The following CDH6 variants were observed in gnomAD, a reference collection of about 807,000 sequenced individuals.
CDH6 encodes the protein cadherin-6.
Under a neutral mutation model 78.0 loss-of-function variants are expected in CDH6, and 31 were observed. The observed-to-expected ratio is 0.40, with a 90% CI of 0.30 to 0.54. The LOEUF is 0.54. CDH6 is among the 20% of genes least tolerant of loss of function. The pLI is 0.56. For missense variants in CDH6, 724 were observed against 975.9 expected (o/e 0.74, Z 3.44); for synonymous variants, 376 against 368.8 (o/e 1.02, Z -0.23).
chr5:31,213,340 A>G (rs1012210473), intron 1 of CDH6, among the ~76,000 whole-genome samples: 1 of 152,196 alleles, frequency 6.6e-6, no homozygotes, highest in Non-Finnish European at 1.5e-5. Context: ...AATGCTTAAA[A>G]TCAAAATTGT....
Position 31,323,227 on chromosome 5 carries a change from T to C in CDH6, c.2292T>C (p.Tyr764=). The C allele has an allele frequency of 6.2e-7, 1 of 1,614,196 alleles. No homozygotes were observed. Among genetic ancestry groups the C allele is most frequent in the East Asian group, 2.2e-5 (1 of 44,890 alleles). ...TGACCACGGATGCAGATCAAGACTATGATTACCTTAGTGACTGGGGACCTC... is the reference window on the plus strand; with the variant it reads ...TGACCACGGATGCAGATCAAGACTACGATTACCTTAGTGACTGGGGACCTC... ...ESVTTDADQD[Y]DYLSDWGPRF... is the part of the protein sequence containing the mutation. Residue 764 remains tyrosine (Y), a synonymous_variant, in exon 12 of 12, where the codon TAT becomes TAC. Coordinates refer to ENST00000265071, the MANE Select transcript of CDH6 (RefSeq NM_004932.4).
chr5:31,287,302 C>T (rs1743037914), intron 2 of CDH6, among the ~76,000 whole-genome samples: 1 of 152,124 alleles, frequency 6.6e-6, no homozygotes, highest in South Asian at 2.1e-4. Flanking sequence ...TATATTAGGA[C>T]TGAATGGAGA....
chr5:31,202,901 CTA>C (rs1449605134), intron 1 of CDH6, among the ~76,000 whole-genome samples: 11 of 151,684 alleles, frequency 7.3e-5, no homozygotes, highest in Non-Finnish European at 1.6e-4. Flanking sequence ...ACAAAATATT[CTA>C]AGCTCCCCTT....
In CDH6 at chr5:31,328,340, T is replaced by C. The variant is rs1054665215; in HGVS notation, c.*5032T>C. ...TGTGAGGCTACGTTATTTATGTAAA[T>C]ATGTCTGGAGGCACCTTCTCTAAGC... On this transcript the variant is annotated 3_prime_UTR_variant, in exon 12 of 12. Coordinates refer to ENST00000265071, the MANE Select transcript of CDH6 (RefSeq NM_004932.4). 3.5e-5 allele frequency: 7 copies of C among 200,632 alleles called. No homozygotes were observed. Among genetic ancestry groups the C allele is most frequent in the Admixed American group, 1.8e-4 (3 of 16,606 alleles). 12.4% of individuals were successfully genotyped at this position (200,632 alleles called of 1,614,324 possible).
intron 2 of CDH6, among the ~76,000 whole-genome samples, chr5:31,277,851 C>T (rs1742742104): frequency 6.6e-6 from 1 of 152,124 alleles, no homozygotes; most frequent in Admixed American, 6.5e-5. Flanking sequence ...CTAAAAACTA[C>T]CTTCCAATTT....
intron 7 of CDH6, among the ~76,000 whole-genome samples, chr5:31,307,466 T>A (rs1738020557): frequency 6.6e-6 from 1 of 152,240 alleles, no homozygotes; most frequent in Non-Finnish European, 1.5e-5. Flanking sequence ...CCTACTGGAA[T>A]ATCTACAAGA....
chr5:31,216,947 G>A (rs531737691), intron 1 of CDH6, among the ~76,000 whole-genome samples: 73 of 152,156 alleles, frequency 4.8e-4, no homozygotes, highest in African/African-American at 1.7e-3. Flanking sequence ...GTTGAGAGAC[G>A]GTAGAGAGGC....
At chr5:31,268,238 A>G (rs1043541628) in intron 2 of CDH6, among the ~76,000 whole-genome samples, 1 of 152,206 alleles carries the variant, frequency 6.6e-6, no homozygotes, top group African/African-American at 2.4e-5. Context: ...TGCTGCTGCT[A>G]CTGTTTAGTC....
At chr5:31,233,307 A>T (rs1561034550) in intron 1 of CDH6, among the ~76,000 whole-genome samples, 1 of 151,112 alleles carries the variant, frequency 6.6e-6, no homozygotes, top group Non-Finnish European at 1.5e-5. Flanking sequence ...AACTTTACTT[A>T]TCCAACCTGG....
In CDH6 at chr5:31,305,244, G is replaced by T. The variant is rs773989887; in HGVS notation, c.1070G>T (p.Arg357Leu). 1.2e-6 allele frequency: 2 copies of T among 1,614,000 alleles called. No individual in the cohort carries two copies. The highest frequency in any genetic ancestry group is 1.3e-5 in the African/African-American group (1 of 74,996). ...VEASNPYVEP[R>L]FLYLGPFKDS... The stretch of plus-strand genomic sequence containing the variant: ...GCCTCCAATCCTTATGTTGAGCCAC[G>T]ATTTCTCTACTTGGGGCCTTTCAAA... Residue 357 changes from arginine to leucine, a missense_variant, in exon 7 of 12, where the codon CGA (arginine) becomes CTA (leucine). Physicochemically the swap from Arg to Leu is moderately radical, Grantham distance 102 (BLOSUM62 -2). Around this residue, in one of 3 missense-constraint regions of CDH6, gnomAD observed 446 missense variants for 684.5 expected, o/e 0.65. Coordinates refer to ENST00000265071, the MANE Select transcript of CDH6 (RefSeq NM_004932.4).
At chr5:31,195,595 T>C in intron 1 of CDH6, among the ~76,000 whole-genome samples, 1 of 152,122 alleles carries the variant, frequency 6.6e-6, no homozygotes, top group East Asian at 1.9e-4. Context: ...GTAAAACCAG[T>C]TGTGTGAAGA....
intron 1 of CDH6, among the ~76,000 whole-genome samples, chr5:31,205,468 G>A (rs977080133): frequency 6.6e-6 from 1 of 152,162 alleles, no homozygotes; most frequent in African/African-American, 2.4e-5. Context: ...CAACATTGTT[G>A]CCTGAAGCCT....
intron 1 of CDH6, among the ~76,000 whole-genome samples, chr5:31,204,036 T>C (rs1740444551): frequency 6.6e-6 from 1 of 152,218 alleles, no homozygotes; most frequent in African/African-American, 2.4e-5. Flanking sequence ...AAAAAGTGCC[T>C]GCTCAGCCAT....
chr5:31,260,720 C>T (rs1742190520), intron 1 of CDH6, among the ~76,000 whole-genome samples: 1 of 152,160 alleles, frequency 6.6e-6, no homozygotes, highest in South Asian at 2.1e-4. Flanking sequence ...GTGGCTCTTG[C>T]CATAATGATT....
intron 1 of CDH6, among the ~76,000 whole-genome samples, chr5:31,262,329 C>A (rs1289812932): frequency 6.6e-6 from 1 of 152,210 alleles, no homozygotes; most frequent in Non-Finnish European, 1.5e-5. Flanking sequence ...ATCTCAATTA[C>A]CTTCTAGTCA....
chr5:31,292,905 C>G (rs1737448664), intron 2 of CDH6, among the ~76,000 whole-genome samples: 1 of 145,120 alleles, frequency 6.9e-6, no homozygotes, highest in Non-Finnish European at 1.5e-5. Flanking sequence ...GTCCTATAGA[C>G]CTATAGTTAG....
intron 7 of CDH6, among the ~76,000 whole-genome samples, chr5:31,308,014 T>C (rs546001251): frequency 2.7e-4 from 41 of 152,284 alleles, no homozygotes; most frequent in Non-Finnish European, 4.4e-4. Flanking sequence ...CTTATAGATA[T>C]ATTGGTATAT....
At position 31,326,535 on chromosome 5, in the gene CDH6, T is replaced by C. The variant is rs756264712; in HGVS notation, c.*3227T>C. ...TTCAGAACTTTCCTGCCTTTACAGTTTGTGTCCATAAAGGGATGTTCAGCA... is the reference window on the plus strand; with the variant it reads ...TTCAGAACTTTCCTGCCTTTACAGTCTGTGTCCATAAAGGGATGTTCAGCA... On this transcript the variant is annotated 3_prime_UTR_variant, in exon 12 of 12. Coordinates refer to ENST00000265071, the MANE Select transcript of CDH6 (RefSeq NM_004932.4). The C allele has an allele frequency of 1.0e-5, 2 of 193,580 alleles. No individual in the cohort carries two copies. Among genetic ancestry groups the C allele is most frequent in the Non-Finnish European group, 2.2e-5 (2 of 92,976 alleles). The allele number at this position is 193,580 out of a possible 1,614,324, so 12.0% of individuals were successfully genotyped here. A position where few individuals can be genotyped will look rare whatever the true frequency, so the allele number is the denominator to read the frequency against.
At chr5:31,276,228 C>CTT (rs140972823) in intron 2 of CDH6, among the ~76,000 whole-genome samples, 27 of 152,210 alleles carry the variant, frequency 1.8e-4, no homozygotes, top group African/African-American at 6.5e-4. Flanking sequence ...AAAATTAGAG[C>CTT]TTTTTTATCA....
Sources: gnomAD v4.1 joint callset for allele counts (sites outside exome capture counted in the v4.1 genomes callset) on GRCh38, gnomAD v4.1.1 for gene constraint, gnomAD v4.1.1 regional missense constraint, MANE v1.5 for transcripts, NCBI Gene and HGNC (gene_info 2026-07-23, HGNC 2026-07-21) for gene names.